Variants in DACH1 observed in about 807,000 individuals in gnomAD.
DACH1 encodes dachshund homolog 1.
DACH1 carries 12 observed loss-of-function variants against 54.2 expected under a neutral mutation model. The ratio of observed to expected loss-of-function variants is 0.22; its 90% confidence interval spans 0.14 to 0.36. DACH1 has a LOEUF of 0.36. Ranked by LOEUF, DACH1 falls within the 10% of genes least tolerant of loss-of-function variation. The probability of loss-of-function intolerance (pLI) is 1.00; values close to 1 mark genes in which losing one functional copy is unlikely to be tolerated. For synonymous variants in DACH1, 386 were observed against 366.2 expected (o/e 1.05, Z -0.62); for missense variants, 805 against 929.8 (o/e 0.87, Z 1.75).
At chr13:71,457,974 T>C (rs566028526) in intron 10 of DACH1, among the ~76,000 whole-genome samples, 1 of 152,094 alleles carries the variant, frequency 6.6e-6, no homozygotes, top group Admixed American at 6.6e-5. Flanking sequence ...TCCCAGATTA[T>C]GAAATTCAAA....
chr13:71,589,225 G>A lies in DACH1; in HGVS notation c.1127-16213C>T, dbSNP rs1873515289. ...ACTGCCATTCCATTAAGGAAATGGT[G>A]CAGCAAACAGTAAATAGTGGCCTCA... On this transcript the variant is annotated intron_variant, in intron 3 of 10. Coordinates refer to ENST00000613252, the MANE Select transcript of DACH1 (RefSeq NM_080759.6). Among the ~76,000 whole-genome samples, 3 of 151,944 alleles carry A rather than the reference G, an allele frequency of 2.0e-5. No homozygotes were observed. In the South Asian group the frequency reaches 6.2e-4, roughly 31 times the overall value.
intron 1 of DACH1, among the ~76,000 whole-genome samples, chr13:71,711,861 A>G (rs937673454): frequency 6.6e-6 from 1 of 152,140 alleles, no homozygotes; most frequent in Non-Finnish European, 1.5e-5. Flanking sequence ...TAGATACTTA[A>G]ATACTTCCCT....
Position 71,642,743 on chromosome 13 carries a change from G to A in DACH1, c.965-12026C>T, listed in dbSNP as rs551101817. ...GGTTTAAAAATTACTAACTCAGGCC[G>A]GGCGCAGTGGCTCATGGCTGTAATC... On this transcript the variant is annotated intron_variant, in intron 2 of 10. Coordinates refer to ENST00000613252, the MANE Select transcript of DACH1 (RefSeq NM_080759.6). Among the ~76,000 whole-genome samples, 42 of 152,110 alleles carry A rather than the reference G, an allele frequency of 2.8e-4. 1 individual carries two copies. The highest frequency in any genetic ancestry group is 9.2e-4 in the African/African-American group (38 of 41,496).
intron 1 of DACH1, among the ~76,000 whole-genome samples, chr13:71,715,206 A>T (rs903573171): frequency 2.0e-5 from 3 of 152,092 alleles, no homozygotes; most frequent in African/African-American, 7.2e-5. Context: ...AATAGTAGAG[A>T]CAAAAGGTCA....
At chr13:71,542,783 T>C (rs1022582320) in intron 6 of DACH1, among the ~76,000 whole-genome samples, 2 of 152,148 alleles carry the variant, frequency 1.3e-5, no homozygotes, top group African/African-American at 2.4e-5. Flanking sequence ...CCACATGTTA[T>C]AGAGAAAATA....
At chr13:71,858,206 T>C (rs554617939) in intron 1 of DACH1, among the ~76,000 whole-genome samples, 25 of 151,854 alleles carry the variant, frequency 1.6e-4, no homozygotes, top group African/African-American at 5.8e-4. Flanking sequence ...TTTCTTAAGA[T>C]ATATTTTGTT....
At chr13:71,645,697 T>C (rs1287589835) in intron 2 of DACH1, among the ~76,000 whole-genome samples, 1 of 152,190 alleles carries the variant, frequency 6.6e-6, no homozygotes, top group Non-Finnish European at 1.5e-5. Flanking sequence ...TAATTAATTG[T>C]AACATTGTGA....
Position 71,617,316 on chromosome 13 carries a change from TTC to T in DACH1, c.1126+13238_1126+13239del, listed in dbSNP as rs1214158902. Among the ~76,000 whole-genome samples, 4 of 152,348 alleles carry T rather than the reference TTC, an allele frequency of 2.6e-5. No individual in the cohort carries two copies. In the East Asian group the frequency reaches 5.8e-4, roughly 22 times the overall value. On this transcript the variant is annotated intron_variant, in intron 3 of 10. Coordinates refer to ENST00000613252, the MANE Select transcript of DACH1 (RefSeq NM_080759.6). ...GTATTACCTGTTTTTATCAATTTATTTCTTTTTTATTAATTGTTTTTGTCACC... is the reference window on the plus strand; with the variant it reads ...GTATTACCTGTTTTTATCAATTTATTTTTTTTATTAATTGTTTTTGTCACC...
intron 1 of DACH1, among the ~76,000 whole-genome samples, chr13:71,801,446 G>T (rs1887284211): frequency 6.6e-6 from 1 of 152,056 alleles, no homozygotes; most frequent in Non-Finnish European, 1.5e-5. Flanking sequence ...CTGCTCAAAA[G>T]AACAGTTCAT....
chr13:71,595,522 T>C (rs538118392), intron 3 of DACH1, among the ~76,000 whole-genome samples: 55 of 152,228 alleles, frequency 3.6e-4, no homozygotes, highest in Non-Finnish European at 5.4e-4. Flanking sequence ...GGTGGATCTG[T>C]GGATATGTTA....
intron 1 of DACH1, among the ~76,000 whole-genome samples, chr13:71,709,080 C>T (rs1466281340): frequency 6.6e-6 from 1 of 151,902 alleles, no homozygotes; most frequent in Non-Finnish European, 1.5e-5. Context: ...GTCTCGATCT[C>T]CTGACCTCAT....
chr13:71,801,503 G>A (rs1174710383), intron 1 of DACH1, among the ~76,000 whole-genome samples: 11 of 152,150 alleles, frequency 7.2e-5, no homozygotes, highest in Non-Finnish European at 1.2e-4. Context: ...GAAACTAAAA[G>A]TAATTTTAGA....
intron 3 of DACH1, among the ~76,000 whole-genome samples, chr13:71,611,564 C>A (rs147034885): frequency 1.3e-3 from 193 of 152,282 alleles, no homozygotes; most frequent in Non-Finnish European, 2.5e-3. Flanking sequence ...TTTCCTCATG[C>A]ACAGCTGTGT....
At chr13:71,814,938 G>T (rs1269950181) in intron 1 of DACH1, among the ~76,000 whole-genome samples, 2 of 152,120 alleles carry the variant, frequency 1.3e-5, no homozygotes, top group Admixed American at 6.5e-5. Flanking sequence ...CAACTAACAA[G>T]TTGGGGGAAA....
intron 2 of DACH1, among the ~76,000 whole-genome samples, chr13:71,668,428 C>T (rs1879992125): frequency 6.6e-6 from 1 of 151,860 alleles, no homozygotes; most frequent in African/African-American, 2.4e-5. Context: ...GAAATGAAAA[C>T]TAATGGAAAT....
chr13:71,480,678 T>C (rs894616080), intron 7 of DACH1, among the ~76,000 whole-genome samples: 2 of 152,172 alleles, frequency 1.3e-5, no homozygotes, highest in African/African-American at 4.8e-5. Flanking sequence ...CATTTGTAGA[T>C]GTACTCTAGG....
chr13:71,498,186 C>T (rs905674199), intron 6 of DACH1, among the ~76,000 whole-genome samples: 8 of 152,200 alleles, frequency 5.3e-5, no homozygotes, highest in Non-Finnish European at 1.2e-4. Context: ...TCACCTATAT[C>T]AGTGAGTCTT....
At chr13:71,659,976 G>A (rs1215950484) in intron 2 of DACH1, among the ~76,000 whole-genome samples, 1 of 151,978 alleles carries the variant, frequency 6.6e-6, no homozygotes, top group Non-Finnish European at 1.5e-5. Context: ...TCAATTCAGT[G>A]GTACCCATTC....
At chr13:71,575,780 G>A (rs1385649720) in intron 3 of DACH1, among the ~76,000 whole-genome samples, 1 of 151,894 alleles carries the variant, frequency 6.6e-6, no homozygotes, top group African/African-American at 2.4e-5. Flanking sequence ...AGCCATCTCC[G>A]CCAATCATCA....
Sources: gnomAD v4.1 joint callset for allele counts (sites outside exome capture counted in the v4.1 genomes callset) on GRCh38, gnomAD v4.1.1 for gene constraint, MANE v1.5 for transcripts, NCBI Gene and HGNC (gene_info 2026-07-23, HGNC 2026-07-21) for gene names.